TM4SF19: variants seen among roughly 807,000 people sequenced by gnomAD.
TM4SF19 encodes the protein transmembrane 4 L6 family member 19.
In TM4SF19, 17 loss-of-function variants were observed where a neutral mutation model predicts 21.8. The observed-to-expected ratio is 0.78, with a 90% CI of 0.53 to 1.17. TM4SF19 has a LOEUF of 1.17. Among genes scored for constraint, TM4SF19 ranks in the 50% most tolerant of loss-of-function variants. TM4SF19 has a pLI of 0.00. For missense variants in TM4SF19, 216 were observed against 252.1 expected, an observed-to-expected ratio of 0.86 and a Z score of 0.97; for synonymous variants, 107 against 106.7, an observed-to-expected ratio of 1.00 and a Z score of -0.02.
chr3:196,336,852 G>A (rs970147357), intron 1 of TM4SF19, among the ~76,000 whole-genome samples: 19 of 152,224 alleles, frequency 1.2e-4, no homozygotes, highest in Admixed American at 3.3e-4. Flanking sequence ...GGAAGAGACC[G>A]CACATTCTCT....
chr3:196,337,331 G>A (rs1254486870), intron 1 of TM4SF19, among the ~76,000 whole-genome samples: 1 of 152,106 alleles, frequency 6.6e-6, no homozygotes, highest in Non-Finnish European at 1.5e-5. Context: ...AGCAGGGCGG[G>A]AGAGGGCCTC....
At chr3:196,330,015 G>C in intron 1 of TM4SF19, among the ~76,000 whole-genome samples, 1 of 150,786 alleles carries the variant, frequency 6.6e-6, no homozygotes, top group East Asian at 2.0e-4. Flanking sequence ...GGGACTACAG[G>C]CATGTGCCAC....
At position 196,327,496 on chromosome 3, in the gene TM4SF19, G is replaced by T. The variant is rs370709988; in HGVS notation, c.95C>A (p.Ala32Asp). 1 of 1,614,016 alleles carries T rather than the reference G, an allele frequency of 6.2e-7. No homozygotes were observed. The highest frequency in any genetic ancestry group is 8.5e-7 in the Non-Finnish European group (1 of 1,180,048). ...GTTAGGAAGGAGGAGTGCCACGTTG[G>T]CCCCAGCAGCAAACAGGGCTGCAGT... ...LGTAALFAAG[A>D]NVALLLPNWD... The change falls in exon 2 of 5, where the codon GCC (alanine) becomes GAC (aspartate). Residue 32 changes from alanine to aspartate, a missense_variant. By Grantham distance (126) the Ala-to-Asp change is moderately radical. Coordinates refer to ENST00000273695, the MANE Select transcript of TM4SF19 (RefSeq NM_138461.4).
At chr3:196,334,249 AC>A (rs753357715) in intron 1 of TM4SF19, among the ~76,000 whole-genome samples, 7 of 152,134 alleles carry the variant, frequency 4.6e-5, no homozygotes, top group Admixed American at 2.0e-4. Flanking sequence ...CCTAGGAACT[AC>A]TATCCTATAT....
chr3:196,324,088 C>A, intron 4 of TM4SF19, 91 bp from the exon 5 acceptor site: 1 of 1,521,348 alleles, frequency 6.6e-7, no homozygotes, highest in Non-Finnish European at 9.0e-7. Flanking sequence ...TCTCCCCTGA[C>A]CGGGTCATGG....
chr3:196,330,949 A>G (rs1727481011), intron 1 of TM4SF19, among the ~76,000 whole-genome samples: 1 of 152,128 alleles, frequency 6.6e-6, no homozygotes. Context: ...TTATATTTTC[A>G]TTGATATGTG....
chr3:196,324,031 C>T (rs368290835), intron 4 of TM4SF19, 34 bp from the exon 5 acceptor site: 15 of 1,607,668 alleles, frequency 9.3e-6, no homozygotes, highest in Admixed American at 5.1e-5. Context: ...AGGGGTCAGG[C>T]GATAAGTAAG....
Position 196,324,453 on chromosome 3 carries a change from G to A in TM4SF19, c.280-13C>T, listed in dbSNP as rs755132866. The A allele has an allele frequency of 1.2e-5, 19 of 1,613,664 alleles. No homozygotes were observed. The highest frequency in any genetic ancestry group is 3.3e-5 in the Admixed American group (2 of 59,856). Reference sequence around the variant, plus strand: ...GAGCAGTAAGCACCTGCGGAGGGAGGAGAAACACTGAGCTAAGACGGGGTC... The same window carrying A: ...GAGCAGTAAGCACCTGCGGAGGGAGAAGAAACACTGAGCTAAGACGGGGTC... On this transcript the variant is annotated splice_polypyrimidine_tract_variant and intron_variant, in intron 3 of 4. Transcript: ENST00000273695.
intron 1 of TM4SF19, 124 bp from the exon 2 acceptor site, chr3:196,327,715 A>G (rs1470948717): frequency 1.8e-5 from 13 of 736,008 alleles, no homozygotes; most frequent in Non-Finnish European, 2.7e-5. Flanking sequence ...GGGTCAGACC[A>G]ATGAGAGCCA....
At chr3:196,330,433 T>A (rs1727461944) in intron 1 of TM4SF19, among the ~76,000 whole-genome samples, 1 of 152,176 alleles carries the variant, frequency 6.6e-6, no homozygotes, top group East Asian at 1.9e-4. Flanking sequence ...CAATAAAAAA[T>A]CAATTAAAAA....
At chr3:196,335,005 A>T (rs187330884) in intron 1 of TM4SF19, among the ~76,000 whole-genome samples, 1 of 22,026 alleles carries the variant, frequency 4.5e-5, no homozygotes, top group African/African-American at 3.8e-4. Context: ...GGAGGGGTGC[A>T]CTGGGAGGGT....
chr3:196,330,848 TTAAC>T (rs1371294935), intron 1 of TM4SF19, among the ~76,000 whole-genome samples: 2 of 152,308 alleles, frequency 1.3e-5, no homozygotes, highest in Middle Eastern at 3.4e-3. Context: ...TTATTGAATT[TTAAC>T]TATATATCAA....
chr3:196,333,087 A>G (rs1418063361), intron 1 of TM4SF19, among the ~76,000 whole-genome samples: 2 of 152,104 alleles, frequency 1.3e-5, no homozygotes, highest in East Asian at 3.8e-4. Context: ...GCCTCAAGTG[A>G]TCCTCTCACC....
Position 196,323,685 on chromosome 3 carries a change from T to C in TM4SF19, c.*132A>G. 1 of 1,534,148 alleles carries C rather than the reference T, an allele frequency of 6.5e-7. No individual in the cohort carries two copies. The highest frequency in any genetic ancestry group is 8.8e-7 in the Non-Finnish European group (1 of 1,136,014). The stretch of plus-strand genomic sequence containing the variant: ...TATCATTCCACCGACCTGCAGTGAA[T>C]TTTGTTGTCATTATTACTCCAGGGA... On this transcript the variant is annotated 3_prime_UTR_variant, in exon 5 of 5. Coordinates refer to ENST00000273695, the MANE Select transcript of TM4SF19 (RefSeq NM_138461.4).
At chr3:196,326,006 G>A (rs1331484253) in intron 3 of TM4SF19, among the ~76,000 whole-genome samples, 4 of 152,082 alleles carry the variant, frequency 2.6e-5, no homozygotes, top group African/African-American at 4.8e-5. Flanking sequence ...ACGGAGTCTC[G>A]CTCTGTCGCC....
chr3:196,335,146 T>C (rs183796510), intron 1 of TM4SF19, among the ~76,000 whole-genome samples: 12 of 9,470 alleles, frequency 1.3e-3, no homozygotes, highest in East Asian at 3.5e-3. Flanking sequence ...GGAGGGGTGC[T>C]CTGGGAGGGT....
chr3:196,333,379 T>G (rs1727600889), intron 1 of TM4SF19, among the ~76,000 whole-genome samples: 1 of 152,174 alleles, frequency 6.6e-6, no homozygotes, highest in Non-Finnish European at 1.5e-5. Context: ...TCAGGCATAG[T>G]AAGAAGTTCG....
In TM4SF19 at chr3:196,323,865, A is replaced by T; in HGVS notation, c.582T>A (p.His194Gln). 6.2e-7 allele frequency: 1 copy of T among 1,614,208 alleles called. No individual in the cohort carries two copies. Among genetic ancestry groups the T allele is most frequent in the Non-Finnish European group, 8.5e-7 (1 of 1,180,030 alleles). The part of the protein sequence containing the change: ...SLLQLLLVVV[H>Q]VINSLLGLFC... ...AAAGGCCCAGGAGGCTGTTGATGACATGAACGACCACCAGGAGAAGCTGGA... is the reference window on the plus strand; with the variant it reads ...AAAGGCCCAGGAGGCTGTTGATGACTTGAACGACCACCAGGAGAAGCTGGA... The change falls in exon 5 of 5, where the codon CAT becomes CAA. Residue 194 changes from histidine to glutamine, a missense_variant. By Grantham distance (24) the His-to-Gln change is conservative (BLOSUM62 0). Transcript: ENST00000273695.
At chr3:196,335,435 G>A (rs1226184427) in intron 1 of TM4SF19, among the ~76,000 whole-genome samples, 2 of 102,374 alleles carry the variant, frequency 2.0e-5, no homozygotes, top group African/African-American at 7.7e-5. Flanking sequence ...CTGGGAGGGT[G>A]TGGGTAGGAG....
Sources: allele counts gnomAD v4.1 joint callset (sites outside exome capture counted in the v4.1 genomes callset), GRCh38; gene constraint gnomAD v4.1.1; transcripts MANE v1.5; gene names NCBI Gene and HGNC (gene_info 2026-07-23, HGNC 2026-07-21).